Variants in TMEM150C observed in about 807,000 individuals in gnomAD.
TMEM150C encodes the protein tentonin 3.
TMEM150C carries 10 observed loss-of-function variants against 29.9 expected under a neutral mutation model. The observed-to-expected ratio is 0.33, with a 90% confidence interval of 0.21 to 0.57. The LOEUF (loss-of-function observed/expected upper bound fraction) is 0.57, where lower values mean the gene tolerates loss of function less well. TMEM150C is among the 20% of genes least tolerant of loss of function. The pLI is 0.88. For synonymous variants in TMEM150C, 101 were observed against 112.5 expected, an observed-to-expected ratio of 0.90 and a Z score of 0.64; for missense variants, 251 against 303.6, an observed-to-expected ratio of 0.83 and a Z score of 1.29.
At chr4:82,559,353 T>C (rs1578163025) in intron 1 of TMEM150C, among the ~76,000 whole-genome samples, 1 of 150,354 alleles carries the variant, frequency 6.7e-6, no homozygotes, top group African/African-American at 2.5e-5. Context: ...AAGACCAGCC[T>C]GATCAACATG....
At chr4:82,529,602 A>G (rs1054262060) in intron 1 of TMEM150C, among the ~76,000 whole-genome samples, 5 of 152,090 alleles carry the variant, frequency 3.3e-5, no homozygotes, top group African/African-American at 1.2e-4. Flanking sequence ...GAGTTTTGTT[A>G]TGAAGGTCAA....
Position 82,499,424 on chromosome 4 carries a change from AAAG to A in TMEM150C, c.236-3232_236-3230del, listed in dbSNP as rs368067764. On this transcript the variant is annotated intron_variant, in intron 5 of 7. Coordinates refer to ENST00000449862, the MANE Select transcript of TMEM150C (RefSeq NM_001080506.3). ...TACTTAATTTTCCTGTCTATTTTCAAAAGAGCACAAATAGAGGCCGGGCGCGGT... is the reference window on the plus strand; with the variant it reads ...TACTTAATTTTCCTGTCTATTTTCAAAGCACAAATAGAGGCCGGGCGCGGT... Among the ~76,000 whole-genome samples, 1,083 of 152,230 alleles carry A rather than the reference AAAG, an allele frequency of 7.1e-3. 17 individuals carry two copies. The highest frequency in any genetic ancestry group is 0.025 in the African/African-American group (1,026 of 41,532).
At chr4:82,523,581 T>C (rs1578140212) in intron 1 of TMEM150C, among the ~76,000 whole-genome samples, 1 of 152,292 alleles carries the variant, frequency 6.6e-6, no homozygotes, top group Non-Finnish European at 1.5e-5. Context: ...GCCGGCCTGG[T>C]GGGGCCTTAC....
intron 1 of TMEM150C, among the ~76,000 whole-genome samples, chr4:82,548,253 G>A (rs1725450581): frequency 6.6e-6 from 1 of 152,092 alleles, no homozygotes; most frequent in African/African-American, 2.4e-5. Context: ...TGGGTGATGA[G>A]AACAATTGTA....
At chr4:82,562,036 G>T (rs1646834547), upstream of TMEM150C, 1 of 1,093,338 alleles carries the variant, frequency 9.1e-7, no homozygotes, top group Non-Finnish European at 1.1e-6. Context: ...CCGCCCGCCC[G>T]GCCCCCTCCT....
rs566214597 is a variant in TMEM150C, at chr4:82,508,648, T to G, written c.-10-3981A>C. 6.7e-4 allele frequency among the ~76,000 whole-genome samples: 102 copies of G among 152,254 alleles called. 1 individual carries two copies. The highest frequency in any genetic ancestry group is 2.3e-3 in the African/African-American group (96 of 41,552). ...ACCCGGCTAATTTTTATATTTTTAG[T>G]AGACATAGGGTTTCACCATGTTGGC... On this transcript the variant is annotated intron_variant, in intron 1 of 7. Coordinates refer to ENST00000449862, the MANE Select transcript of TMEM150C (RefSeq NM_001080506.3).
chr4:82,561,274 C>T (rs1372108805), intron 1 of TMEM150C, among the ~76,000 whole-genome samples: 1 of 152,228 alleles, frequency 6.6e-6, no homozygotes, highest in Non-Finnish European at 1.5e-5. Flanking sequence ...CCACGGCCTC[C>T]CGCCGAAAAA....
intron 1 of TMEM150C, among the ~76,000 whole-genome samples, chr4:82,535,932 C>A (rs1163386219): frequency 6.6e-6 from 1 of 152,042 alleles, no homozygotes; most frequent in Non-Finnish European, 1.5e-5. Flanking sequence ...TGTAGCACCC[C>A]CCTCCCTGCT....
At chr4:82,548,831 G>A (rs1725469296) in intron 1 of TMEM150C, among the ~76,000 whole-genome samples, 1 of 152,212 alleles carries the variant, frequency 6.6e-6, no homozygotes, top group Non-Finnish European at 1.5e-5. Flanking sequence ...GCATGCAGAT[G>A]TCAGGGCATG....
chr4:82,511,364 C>G (rs1193865397), intron 1 of TMEM150C, among the ~76,000 whole-genome samples: 1 of 151,932 alleles, frequency 6.6e-6, no homozygotes, highest in Admixed American at 6.6e-5. Flanking sequence ...TAAAGGCAAT[C>G]ACCTTCATTC....
chr4:82,508,430 G>A (rs1263151532), intron 1 of TMEM150C, among the ~76,000 whole-genome samples: 6 of 151,298 alleles, frequency 4.0e-5, no homozygotes, highest in South Asian at 2.1e-4. Flanking sequence ...GGCATGCACC[G>A]CCACACCTGG....
intron 1 of TMEM150C, among the ~76,000 whole-genome samples, chr4:82,512,516 G>T (rs1486857245): frequency 6.6e-6 from 1 of 152,192 alleles, no homozygotes; most frequent in Non-Finnish European, 1.5e-5. Flanking sequence ...AGCCTCCTTT[G>T]TAATAAGTGT....
At chr4:82,531,191 G>T (rs1724833425) in intron 1 of TMEM150C, among the ~76,000 whole-genome samples, 2 of 152,164 alleles carry the variant, frequency 1.3e-5, no homozygotes, top group South Asian at 2.1e-4. Flanking sequence ...GGAATAGCAA[G>T]AAGAAAAATA....
At chr4:82,521,103 C>G (rs1290409373) in intron 1 of TMEM150C, among the ~76,000 whole-genome samples, 1 of 152,122 alleles carries the variant, frequency 6.6e-6, no homozygotes, top group Non-Finnish European at 1.5e-5. Context: ...CAAGTCTTGG[C>G]AAAAATGGTA....
chr4:82,547,533 G>A (rs946437631), intron 1 of TMEM150C, among the ~76,000 whole-genome samples: 1 of 151,964 alleles, frequency 6.6e-6, no homozygotes, highest in East Asian at 1.9e-4. Context: ...AGGTTGCAGG[G>A]AGCTGAGATT....
At chr4:82,499,719 C>CAAAAAAAAAAAAAAAAAAA (rs1197264258) in intron 5 of TMEM150C, among the ~76,000 whole-genome samples, 1 of 40,300 alleles carries the variant, frequency 2.5e-5, no homozygotes, top group African/African-American at 1.1e-4. Context: ...ACTCCGTCTC[C>CAAAAAAAAAAAAAAAAAAA]AAAAAAAAAA....
chr4:82,500,436 T>G (rs1281997510), intron 5 of TMEM150C, among the ~76,000 whole-genome samples: 1 of 152,212 alleles, frequency 6.6e-6, no homozygotes, highest in African/African-American at 2.4e-5. Context: ...AATAAATACT[T>G]GTTGGTTTGC....
intron 1 of TMEM150C, among the ~76,000 whole-genome samples, chr4:82,538,958 T>G (rs576963687): frequency 2.0e-5 from 3 of 152,088 alleles, no homozygotes; most frequent in Non-Finnish European, 4.4e-5. Context: ...TCCTAGCTAC[T>G]CAGGAGGCTA....
At chr4:82,517,605 C>G (rs1404656510) in intron 1 of TMEM150C, among the ~76,000 whole-genome samples, 1 of 152,120 alleles carries the variant, frequency 6.6e-6, no homozygotes, top group African/African-American at 2.4e-5. Context: ...CAGTCTCAGC[C>G]TTGGGATTCC....
Sources: allele counts gnomAD v4.1 joint callset (sites outside exome capture counted in the v4.1 genomes callset), GRCh38; gene constraint gnomAD v4.1.1; transcripts MANE v1.5; gene names NCBI Gene and HGNC (gene_info 2026-07-23, HGNC 2026-07-21).